Variants in HACE1 observed in about 807,000 individuals in gnomAD.
HACE1 encodes the protein E3 ubiquitin-protein ligase HACE1.
HACE1 carries 73 observed loss-of-function variants against 118.4 expected under a neutral mutation model. The observed-to-expected ratio is 0.62, with a 90% CI of 0.51 to 0.75. The LOEUF (loss-of-function observed/expected upper bound fraction) is 0.75. HACE1 is among the 30% of genes least tolerant of loss of function. HACE1 has a pLI of 0.00. For missense variants in HACE1, 749 were observed against 1,102.2 expected, an observed-to-expected ratio of 0.68 and a Z score of 4.54; for synonymous variants, 368 against 374.8, an observed-to-expected ratio of 0.98 and a Z score of 0.21.
At chr6:104,800,147 A>G (rs1770152904) in intron 7 of HACE1, among the ~76,000 whole-genome samples, 1 of 151,472 alleles carries the variant, frequency 6.6e-6, no homozygotes, top group South Asian at 2.1e-4. Context: ...GGCTGCATGC[A>G]GCCTGGCGGG....
chr6:104,808,162 G>A lies in HACE1; in HGVS notation c.617+3149C>T, dbSNP rs528528418. The stretch of plus-strand genomic sequence containing the variant: ...GATCACGCCACTGCACTCCACCCTG[G>A]GCAACAGATTGAGGCTCTGTCTCAA... On this transcript the variant is annotated intron_variant, in intron 7 of 23. Transcript: ENST00000262903. Among the ~76,000 whole-genome samples the A allele has an allele frequency of 8.7e-4, 132 of 151,830 alleles. 2 individuals carry two copies. Among genetic ancestry groups the A allele is most frequent in the African/African-American group, 3.2e-3 (131 of 41,406 alleles).
At chr6:104,843,332 C>CT in intron 4 of HACE1, 34 bp from the exon 5 acceptor site, 1 of 954,886 alleles carries the variant, frequency 1.0e-6, no homozygotes, top group Non-Finnish European at 1.7e-6. Flanking sequence ...ATAACTGGTA[C>CT]TTAAAAAATA....
At chr6:104,837,242 C>T (rs1021033562) in intron 5 of HACE1, among the ~76,000 whole-genome samples, 2 of 152,200 alleles carry the variant, frequency 1.3e-5, no homozygotes, top group African/African-American at 4.8e-5. Context: ...TTAAGACTTA[C>T]AGCTACAGTA....
chr6:104,743,373 A>G (rs1777040266), intron 22 of HACE1, among the ~76,000 whole-genome samples: 1 of 151,908 alleles, frequency 6.6e-6, no homozygotes, highest in South Asian at 2.1e-4. Flanking sequence ...TATGCTTTTT[A>G]AATATGCAGA....
intron 1 of HACE1, among the ~76,000 whole-genome samples, chr6:104,859,017 G>GA (rs1777027835): frequency 6.6e-6 from 1 of 152,140 alleles, no homozygotes; most frequent in Admixed American, 6.5e-5. Flanking sequence ...GCATATTAAA[G>GA]AAAAATATAT....
At chr6:104,782,299 G>A (rs9486011) in intron 14 of HACE1, 37,028 of 152,308 alleles carry the variant, frequency 0.24, 4,833 homozygotes, top group African/African-American at 0.34. Flanking sequence ...GCCAGTCTGC[G>A]CAGCATGGCA....
intron 6 of HACE1, among the ~76,000 whole-genome samples, chr6:104,827,480 A>G (rs1773454782): frequency 6.6e-6 from 1 of 152,154 alleles, no homozygotes; most frequent in African/African-American, 2.4e-5. Flanking sequence ...GAATTCTTAC[A>G]TAGTATCCGG....
At chr6:104,798,127 T>C (rs1164432769) in intron 7 of HACE1, among the ~76,000 whole-genome samples, 2 of 149,558 alleles carry the variant, frequency 1.3e-5, no homozygotes, top group Non-Finnish European at 3.0e-5. Context: ...CCCAAATAAG[T>C]TGTACAGTTT....
At chr6:104,832,008 A>C (rs1391430264) in intron 6 of HACE1, among the ~76,000 whole-genome samples, 1 of 142,904 alleles carries the variant, frequency 7.0e-6, no homozygotes, top group East Asian at 2.1e-4. Flanking sequence ...GGAAGGAAGG[A>C]AGGAAGGAAG....
At chr6:104,802,473 C>A (rs1770488542) in intron 7 of HACE1, among the ~76,000 whole-genome samples, 3 of 152,168 alleles carry the variant, frequency 2.0e-5, no homozygotes, top group Non-Finnish European at 4.4e-5. Flanking sequence ...CGAAGTAAAG[C>A]ACTCCTCAGC....
intron 7 of HACE1, among the ~76,000 whole-genome samples, chr6:104,802,088 G>A (rs781666822): frequency 4.7e-5 from 7 of 148,254 alleles, no homozygotes; most frequent in Admixed American, 1.3e-4. Context: ...TAAAACAGAC[G>A]TTAGACGAAG....
At chr6:104,744,752 A>C in intron 20 of HACE1, 142 bp from the exon 21 acceptor site, 1 of 643,966 alleles carries the variant, frequency 1.6e-6, no homozygotes, top group South Asian at 1.8e-5. Context: ...TGTCATCAAC[A>C]ACAAGCATTA....
chr6:104,852,414 T>C (rs1317105251), intron 1 of HACE1, 43 bp from the exon 2 acceptor site: 2 of 1,144,092 alleles, frequency 1.7e-6, no homozygotes, highest in Non-Finnish European at 2.6e-6. Flanking sequence ...CCCTACTTTG[T>C]GCAAGGGGTG....
In HACE1 at chr6:104,772,745, A is replaced by G. The variant is rs150126103; in HGVS notation, c.1865-671T>C. 6.6e-5 allele frequency among the ~76,000 whole-genome samples: 10 copies of G among 152,336 alleles called. No homozygotes were observed. The East Asian group carries it at 1.9e-3, about 29-fold the overall frequency. On this transcript the variant is annotated intron_variant, in intron 17 of 23. Transcript: ENST00000262903. ...TGGCAAGGGCAATAAGTTACCAATT[A>G]CTATGAAAATCCAGTGCAATGGAAT...
intron 2 of HACE1, among the ~76,000 whole-genome samples, chr6:104,851,346 T>A (rs1451352970): frequency 6.6e-6 from 1 of 152,206 alleles, no homozygotes; most frequent in Non-Finnish European, 1.5e-5. Flanking sequence ...CCTCCCGAAG[T>A]GCTGGGATTA....
chr6:104,813,668 A>G (rs1771849026), intron 6 of HACE1, among the ~76,000 whole-genome samples: 1 of 138,390 alleles, frequency 7.2e-6, no homozygotes, highest in Non-Finnish European at 1.6e-5. Context: ...ATTGGTGTAC[A>G]GTCAAACCAA....
At chr6:104,824,538 A>G (rs1562454752) in intron 6 of HACE1, among the ~76,000 whole-genome samples, 1 of 152,206 alleles carries the variant, frequency 6.6e-6, no homozygotes, top group Non-Finnish European at 1.5e-5. Context: ...ATAAATACAT[A>G]AAGGCTCTTG....
At chr6:104,784,874 G>T (rs897195565) in intron 12 of HACE1, 111 bp downstream of exon 12, 1 of 753,584 alleles carries the variant, frequency 1.3e-6, no homozygotes, top group Non-Finnish European at 2.3e-6. Flanking sequence ...AAAACAAGGA[G>T]AAAACTTTAA....
chr6:104,751,643 T>A (rs1042861980), intron 19 of HACE1, among the ~76,000 whole-genome samples: 31 of 151,780 alleles, frequency 2.0e-4, no homozygotes, highest in African/African-American at 6.5e-4. Context: ...AAGAAAAAAA[T>A]AATAATAATA....
Sources: allele counts gnomAD v4.1 joint callset (sites outside exome capture counted in the v4.1 genomes callset), GRCh38; gene constraint gnomAD v4.1.1; transcripts MANE v1.5; gene names NCBI Gene and HGNC (gene_info 2026-07-23, HGNC 2026-07-21).